Variants in C13orf42 observed in about 807,000 individuals in gnomAD.
C13orf42 encodes uncharacterized protein C13orf42.
At chr13:51,105,536 CA>C (rs1224583248) in intron 1 of C13orf42, among the ~76,000 whole-genome samples, 1 of 152,180 alleles carries the variant, frequency 6.6e-6, no homozygotes, top group African/African-American at 2.4e-5. Context: ...AATTCAAAGC[CA>C]GGGGGAAAAT....
intron 1 of C13orf42, among the ~76,000 whole-genome samples, chr13:51,130,863 A>G (rs1248695720): frequency 7.0e-6 from 1 of 142,186 alleles, no homozygotes; most frequent in Admixed American, 7.0e-5. Context: ...TAAAAAAAAA[A>G]TATATATATA....
chr13:51,091,729 A>G (rs1185111914), intron 1 of C13orf42, among the ~76,000 whole-genome samples: 1 of 152,118 alleles, frequency 6.6e-6, no homozygotes, highest in African/African-American at 2.4e-5. Context: ...TAGGGGAGAC[A>G]GCAAAGGGGC....
At chr13:51,140,040 A>G (rs946464317) in intron 1 of C13orf42, among the ~76,000 whole-genome samples, 3 of 152,196 alleles carry the variant, frequency 2.0e-5, no homozygotes, top group African/African-American at 7.2e-5. Flanking sequence ...GGAAAACTCA[A>G]GCTGGGAACT....
chr13:51,139,710 C>G (rs138912967), intron 1 of C13orf42, among the ~76,000 whole-genome samples: 1 of 152,280 alleles, frequency 6.6e-6, no homozygotes, highest in Admixed American at 6.5e-5. Flanking sequence ...AGTTTGTTTA[C>G]AAATGCCATG....
intron 1 of C13orf42, among the ~76,000 whole-genome samples, chr13:51,093,169 C>T (rs1011677264): frequency 6.6e-6 from 1 of 152,222 alleles, no homozygotes; most frequent in Non-Finnish European, 1.5e-5. Flanking sequence ...CATTTAGTTG[C>T]TACCTGTTTA....
In C13orf42 at chr13:51,099,719, C is replaced by T. The variant is rs1218249166; in HGVS notation, c.414+11077G>A. On this transcript the variant is annotated intron_variant, in intron 1 of 3. Transcript: ENST00000563710. ...CCGTGACCATCGTTCACAGTGGCCT[C>T]GAACTCCTGGCCTCAAGCAATCCTC... Among the ~76,000 whole-genome samples the T allele has an allele frequency of 4.6e-5, 7 of 152,092 alleles. No individual in the cohort carries two copies. The South Asian group carries it at 8.3e-4, about 18-fold the overall frequency.
upstream of C13orf42, among the ~76,000 whole-genome samples, chr13:51,114,204 G>A (rs1215419226): frequency 2.6e-5 from 4 of 152,188 alleles, no homozygotes; most frequent in Non-Finnish European, 5.9e-5. Flanking sequence ...AGGCCAGGAT[G>A]AGAATGAGAG....
At chr13:51,099,578 A>G (rs1477399440) in intron 1 of C13orf42, among the ~76,000 whole-genome samples, 2 of 152,240 alleles carry the variant, frequency 1.3e-5, no homozygotes, top group Non-Finnish European at 2.9e-5. Flanking sequence ...AACAGGTTGT[A>G]GACTCACTGG....
rs568276414 is a variant in C13orf42, at chr13:51,130,163, T to C, written n.137-16941A>G. Reference sequence around the variant, plus strand: ...TAGTTCACATGACTTTAGTAATCTTTGGGAAATAAAAACAGCCTTAAAGAT... The same window carrying C: ...TAGTTCACATGACTTTAGTAATCTTCGGGAAATAAAAACAGCCTTAAAGAT... On this transcript the variant is annotated intron_variant and non_coding_transcript_variant, in intron 1 of 4. Transcript: ENST00000433280. 3.3e-3 allele frequency among the ~76,000 whole-genome samples: 500 copies of C among 152,316 alleles called. 2 individuals are homozygous for C. The highest frequency in any genetic ancestry group is 5.1e-3 in the Non-Finnish European group (344 of 68,016).
chr13:51,164,348 C>T (rs1395337015), intron 1 of C13orf42, among the ~76,000 whole-genome samples: 1 of 152,162 alleles, frequency 6.6e-6, no homozygotes, highest in African/African-American at 2.4e-5. Flanking sequence ...AGTCTTTTTA[C>T]TGAATAATGC....
chr13:51,170,989 G>A (rs916945701), intron 1 of C13orf42, among the ~76,000 whole-genome samples: 2 of 151,394 alleles, frequency 1.3e-5, no homozygotes, highest in South Asian at 2.1e-4. Flanking sequence ...CCTTATTTCC[G>A]CACCCTGACC....
intron 1 of C13orf42, among the ~76,000 whole-genome samples, chr13:51,129,832 C>T (rs1953603235): frequency 6.6e-6 from 1 of 152,108 alleles, no homozygotes; most frequent in Non-Finnish European, 1.5e-5. Flanking sequence ...GCCTACTCTT[C>T]AAGATGGCCT....
Position 51,123,373 on chromosome 13 carries a change from G to T in C13orf42, n.137-10151C>A, listed in dbSNP as rs1953551553. Among the ~76,000 whole-genome samples the T allele has an allele frequency of 2.0e-5, 3 of 152,218 alleles. No individual in the cohort carries two copies. The South Asian group carries it at 6.2e-4, about 32-fold the overall frequency. On this transcript the variant is annotated intron_variant and non_coding_transcript_variant, in intron 1 of 4. Coordinates refer to the C13orf42 transcript ENST00000433280. ...CTCAACAGATTGATCATGGCAGGGG[G>T]AAGACAGCATGGTGAATCATGGATC...
chr13:51,108,486 G>GA (rs1293378268), intron 1 of C13orf42, among the ~76,000 whole-genome samples: 1 of 152,144 alleles, frequency 6.6e-6, no homozygotes, highest in Non-Finnish European at 1.5e-5. Flanking sequence ...CATGAAGCCT[G>GA]AACCCATCAT....
chr13:51,162,477 G>T (rs1032593953), intron 1 of C13orf42: 3 of 152,172 alleles, frequency 2.0e-5, no homozygotes, highest in Non-Finnish European at 2.9e-5. Flanking sequence ...CACTCAATTT[G>T]AAGTCTATGT....
At chr13:51,131,212 G>T (rs1001285742) in intron 1 of C13orf42, among the ~76,000 whole-genome samples, 6 of 152,090 alleles carry the variant, frequency 3.9e-5, no homozygotes, top group African/African-American at 1.2e-4. Context: ...GAGCATATTT[G>T]TTTCTCTCTA....
chr13:51,129,483 G>A (rs1953599314), intron 1 of C13orf42, among the ~76,000 whole-genome samples: 1 of 152,112 alleles, frequency 6.6e-6, no homozygotes, highest in Admixed American at 6.5e-5. Context: ...ACCGCCTGAA[G>A]ATCCCTTCAT....
chr13:51,162,315 ACTTG>A (rs1288109748), intron 1 of C13orf42: 1 of 185,256 alleles, frequency 5.4e-6, no homozygotes, highest in African/African-American at 2.4e-5. Flanking sequence ...TAGGCCTTAT[ACTTG>A]ACAACTTTAA....
intron 1 of C13orf42, among the ~76,000 whole-genome samples, chr13:51,139,039 G>A (rs1278100001): frequency 2.6e-5 from 4 of 152,078 alleles, no homozygotes; most frequent in African/African-American, 7.2e-5. Context: ...AACTCCGGCC[G>A]GGTGCAGTAG....
Sources: gnomAD v4.1 joint callset for allele counts (sites outside exome capture counted in the v4.1 genomes callset) on GRCh38, gnomAD v4.1.1 for gene constraint, MANE v1.5 for transcripts, NCBI Gene and HGNC (gene_info 2026-07-23, HGNC 2026-07-21) for gene names.